The following KCNIP4 variants were observed in gnomAD, a reference collection of about 807,000 sequenced individuals.
The protein encoded by KCNIP4 is Kv channel-interacting protein 4.
KCNIP4 carries 12 observed loss-of-function variants against 34.0 expected under a neutral mutation model. The observed-to-expected ratio is 0.35, with a 90% confidence interval of 0.23 to 0.57. The LOEUF (loss-of-function observed/expected upper bound fraction) is 0.57, where lower values mean the gene tolerates loss of function less well. Among genes scored for constraint, KCNIP4 ranks in the 20% least tolerant of loss-of-function variants. The pLI is 0.83. For missense variants in KCNIP4, 238 were observed against 311.7 expected (o/e 0.76, Z 1.78); for synonymous variants, 124 against 102.2 (o/e 1.21, Z -1.29).
intron 1 of KCNIP4, among the ~76,000 whole-genome samples, chr4:21,078,232 G>A (rs771803127): frequency 4.6e-5 from 7 of 152,074 alleles, no homozygotes; most frequent in Non-Finnish European, 1.0e-4. Flanking sequence ...AAGAGTCAAA[G>A]GTGATCCTTA....
intron 1 of KCNIP4, among the ~76,000 whole-genome samples, chr4:21,894,982 T>C (rs1254579076): frequency 6.6e-6 from 1 of 152,170 alleles, no homozygotes; most frequent in African/African-American, 2.4e-5. Flanking sequence ...TAATCCATGT[T>C]CTCTTATCTC....
chr4:21,629,039 C>T (rs1745532210), intron 1 of KCNIP4, among the ~76,000 whole-genome samples: 1 of 152,130 alleles, frequency 6.6e-6, no homozygotes, highest in African/African-American at 2.4e-5. Context: ...TCTCCACACC[C>T]CTCCAAGGTG....
chr4:20,990,598 A>G, intron 1 of KCNIP4, among the ~76,000 whole-genome samples: 1 of 152,350 alleles, frequency 6.6e-6, no homozygotes, highest in African/African-American at 2.4e-5. Flanking sequence ...TATAGTATGT[A>G]ATCTTCACAT....
chr4:21,611,763 TG>T (rs1212371478), intron 1 of KCNIP4, among the ~76,000 whole-genome samples: 6 of 147,272 alleles, frequency 4.1e-5, no homozygotes, highest in Non-Finnish European at 9.0e-5. Context: ...TTTGGAGGGG[TG>T]GGGGATAACA....
chr4:21,342,582 C>G (rs1236236891), intron 1 of KCNIP4, among the ~76,000 whole-genome samples: 1 of 151,992 alleles, frequency 6.6e-6, no homozygotes, highest in Non-Finnish European at 1.5e-5. Context: ...AGTTTATAAG[C>G]CATGATTTAT....
At chr4:21,113,007 A>G (rs1296389130) in intron 1 of KCNIP4, among the ~76,000 whole-genome samples, 1 of 152,198 alleles carries the variant, frequency 6.6e-6, no homozygotes, top group Non-Finnish European at 1.5e-5. Context: ...AGTCTTCTAC[A>G]CCTGATGTTT....
At position 20,850,636 on chromosome 4, in the gene KCNIP4, G is replaced by A. The variant is rs762129070; in HGVS notation, c.195C>T (p.Thr65=). Residue 65 remains threonine, a synonymous_variant, in exon 3 of 9, where the codon ACC becomes ACT. Coordinates refer to ENST00000382152, the MANE Select transcript of KCNIP4 (RefSeq NM_025221.6). Reference sequence around the variant, plus strand: ...CAAGGGCTTCAGGCCGATGCCTGACGGTGGCCATCTCCAGTTCATCTTCCA... The same window carrying A: ...CAAGGGCTTCAGGCCGATGCCTGACAGTGGCCATCTCCAGTTCATCTTCCA... The part of the protein sequence containing the change: ...NSVEDELEMA[T]VRHRPEALEL... 37 of 1,612,364 alleles carry A rather than the reference G, an allele frequency of 2.3e-5. No homozygotes were observed. The highest frequency in any genetic ancestry group is 8.9e-5 in the East Asian group (4 of 44,784).
intron 1 of KCNIP4, among the ~76,000 whole-genome samples, chr4:21,728,136 T>A (rs1715328595): frequency 6.6e-6 from 1 of 152,094 alleles, no homozygotes; most frequent in Admixed American, 6.6e-5. Context: ...ATTTCCAAAT[T>A]TAAATCTCCA....
At chr4:21,569,234 T>TAAAAAA (rs71191521) in intron 1 of KCNIP4, among the ~76,000 whole-genome samples, 401 of 25,186 alleles carry the variant, frequency 0.016, 83 homozygotes, top group South Asian at 0.042. Context: ...ACTGATATTC[T>TAAAAAA]AAAAAAAAAA....
At chr4:21,727,955 T>C (rs1715317105) in intron 1 of KCNIP4, among the ~76,000 whole-genome samples, 1 of 152,126 alleles carries the variant, frequency 6.6e-6, no homozygotes, top group African/African-American at 2.4e-5. Context: ...AGGCCAGGCA[T>C]TTCTTGCACA....
intron 1 of KCNIP4, among the ~76,000 whole-genome samples, chr4:21,023,247 C>T (rs1740234306): frequency 6.6e-6 from 1 of 151,928 alleles, no homozygotes; most frequent in Non-Finnish European, 1.5e-5. Flanking sequence ...ATAGAGAAAG[C>T]CATGACAACA....
At position 21,567,591 on chromosome 4, in the gene KCNIP4, T is replaced by C. The variant is rs1355351043; in HGVS notation, c.61+380980A>G. Among the ~76,000 whole-genome samples the C allele has an allele frequency of 2.0e-5, 3 of 152,170 alleles. 1 individual carries two copies. Among genetic ancestry groups the C allele is most frequent in the South Asian group, 2.1e-4 (1 of 4,834 alleles). ...TATTTGGATTTTCTGATGTGTACAA[T>C]GCAACCTAATTAACATGTCATATAG... is the stretch of plus-strand genomic sequence containing the variant. On this transcript the variant is annotated intron_variant, in intron 1 of 8. Transcript: ENST00000382152.
At chr4:20,796,199 ATTAAG>A (rs1369705171) in intron 3 of KCNIP4, among the ~76,000 whole-genome samples, 1 of 152,218 alleles carries the variant, frequency 6.6e-6, no homozygotes, top group African/African-American at 2.4e-5. Context: ...GTATATATCT[ATTAAG>A]TTAATATTTA....
At chr4:21,731,682 T>A (rs1715613727) in intron 1 of KCNIP4, among the ~76,000 whole-genome samples, 1 of 152,196 alleles carries the variant, frequency 6.6e-6, no homozygotes, top group African/African-American at 2.4e-5. Flanking sequence ...ATTAGGGCTT[T>A]ATGGGAACAA....
intron 1 of KCNIP4, among the ~76,000 whole-genome samples, chr4:21,330,759 T>A (rs1200963572): frequency 6.6e-6 from 1 of 152,182 alleles, no homozygotes; most frequent in East Asian, 1.9e-4. Flanking sequence ...TTACCTCAAG[T>A]GAATGATTAC....
At chr4:21,757,849 T>A (rs1717767081) in intron 1 of KCNIP4, among the ~76,000 whole-genome samples, 1 of 152,158 alleles carries the variant, frequency 6.6e-6, no homozygotes, top group Non-Finnish European at 1.5e-5. Context: ...TGTTCAGAAC[T>A]TTTTGTAGCC....
chr4:20,795,844 T>C (rs1459044332), intron 3 of KCNIP4, among the ~76,000 whole-genome samples: 2 of 152,324 alleles, frequency 1.3e-5, no homozygotes, highest in Admixed American at 6.5e-5. Context: ...GTATTTCCAC[T>C]GTTGAAGTTC....
At chr4:21,528,788 GAAGAAAGGAAGA>G (rs1560490335) in intron 1 of KCNIP4, among the ~76,000 whole-genome samples, 241 of 9,712 alleles carry the variant, frequency 0.025, 65 homozygotes, top group South Asian at 0.048. Context: ...AGGAAGAAAG[GAAGAAAGGAAGA>G]AAGGAAGGAA....
At chr4:21,564,453 C>T (rs1412422628) in intron 1 of KCNIP4, among the ~76,000 whole-genome samples, 1 of 152,148 alleles carries the variant, frequency 6.6e-6, no homozygotes, top group East Asian at 1.9e-4. Flanking sequence ...TTCCTTTGCA[C>T]ATGACCCAGG....
Sources: gnomAD v4.1 joint callset for allele counts (sites outside exome capture counted in the v4.1 genomes callset) on GRCh38, gnomAD v4.1.1 for gene constraint, MANE v1.5 for transcripts, NCBI Gene and HGNC (gene_info 2026-07-23, HGNC 2026-07-21) for gene names.